The following DGCR8 variants were observed in gnomAD, a reference collection of about 807,000 sequenced individuals.
DGCR8 encodes the protein microprocessor complex subunit DGCR8.
Under a neutral mutation model 78.5 loss-of-function variants are expected in DGCR8, and 14 were observed. The observed-to-expected ratio is 0.18, with a 90% CI of 0.12 to 0.28. DGCR8 has a LOEUF of 0.28. Among genes scored for constraint, DGCR8 ranks in the 10% least tolerant of loss-of-function variants. The pLI is 1.00. For synonymous variants in DGCR8, 399 were observed against 402.4 expected (o/e 0.99, Z 0.10); for missense variants, 702 against 1,022.5 (o/e 0.69, Z 4.28).
rs1250793616 is a variant in DGCR8, at chr22:20,107,107, T to C, written c.1997-164T>C. On this transcript the variant is annotated intron_variant, in intron 11 of 13. Transcript: ENST00000351989. ...CTCTCAAGGTGGCAGCTGGGTACTGTGAGACTCAGGTGCCCAGAGCAGTGG... is the reference window on the plus strand; with the variant it reads ...CTCTCAAGGTGGCAGCTGGGTACTGCGAGACTCAGGTGCCCAGAGCAGTGG... 9.7e-6 allele frequency: 7 copies of C among 719,650 alleles called. No individual in the cohort carries two copies. The Admixed American group carries it at 1.6e-4, about 16-fold the overall frequency. 44.6% of individuals were successfully genotyped at this position (719,650 alleles called of 1,614,324 possible).
Position 20,087,203 on chromosome 22 carries a change from C to T in DGCR8, c.762C>T (p.Gly254=), listed in dbSNP as rs779574637. The T allele has an allele frequency of 6.2e-7, 1 of 1,613,692 alleles. No homozygotes were observed. Among genetic ancestry groups the T allele is most frequent in the Non-Finnish European group, 8.5e-7 (1 of 1,179,700 alleles). The change falls in exon 3 of 14, where the codon GGC becomes GGT. Residue 254 remains glycine (G), a synonymous_variant. Coordinates refer to ENST00000351989, the MANE Select transcript of DGCR8 (RefSeq NM_022720.7). This position sits in a 1 kb window ranked among gnomAD's most constrained non-coding sequence, Gnocchi z 4.1. ...DNDVDALLEE[G]LCAPKKRRTE... The stretch of plus-strand genomic sequence containing the variant: ...ATGTGGATGCTCTGCTGGAAGAAGG[C>T]CTTTGTGCCCCCAAAAAGAGGCGAA...
intron 9 of DGCR8, among the ~76,000 whole-genome samples, chr22:20,097,081 G>A (rs1022807581): frequency 2.6e-5 from 4 of 152,034 alleles, no homozygotes; most frequent in African/African-American, 9.7e-5. Flanking sequence ...CTGGTATTTT[G>A]TTAAGGATTT....
rs1466547662 is a variant in DGCR8 at position 20,087,226 on chromosome 22, G to T, written c.785G>T (p.Arg262Leu). 2.5e-6 allele frequency: 4 copies of T among 1,613,964 alleles called. No homozygotes were observed. Among genetic ancestry groups the T allele is most frequent in the African/African-American group, 1.3e-5 (1 of 74,926 alleles). The change falls in exon 3 of 14, where the codon CGA becomes CTA. Residue 262 changes from arginine (R) to leucine (L), a missense_variant. By Grantham distance (102) the Arg-to-Leu change is moderately radical. Coordinates refer to ENST00000351989, the MANE Select transcript of DGCR8 (RefSeq NM_022720.7). This position sits in a 1 kb window ranked among gnomAD's most constrained non-coding sequence, Gnocchi z 4.1. ...EEGLCAPKKR[R>L]TEEKYGGDSD... ...GGCCTTTGTGCCCCCAAAAAGAGGC[G>T]AACAGAGGAAAAATATGGCGGAGAC...
chr22:20,085,139 G>T lies in DGCR8; in HGVS notation c.-277-548G>T. 1.3e-6 allele frequency: 1 copy of T among 749,632 alleles called. No homozygotes were observed. Among genetic ancestry groups the T allele is most frequent in the Non-Finnish European group, 1.6e-6 (1 of 614,434 alleles). 46.4% of individuals were successfully genotyped at this position (749,632 alleles called of 1,614,324 possible). ...GCTGCATCACTGTCCCCGTCCACGT[G>T]CTACCCTGTGGGCCCAGGAGAGCCC... On this transcript the variant is annotated intron_variant, in intron 1 of 13. Coordinates refer to ENST00000351989, the MANE Select transcript of DGCR8 (RefSeq NM_022720.7). The surrounding 1 kb of genome is among the most constrained non-coding windows in gnomAD (Gnocchi z 6.2).
chr22:20,092,102 G>GT (rs2092739504), intron 7 of DGCR8, 132 bp downstream of exon 7: 1 of 711,740 alleles, frequency 1.4e-6, no homozygotes, highest in Non-Finnish European at 2.4e-6. Context: ...AGAGAGCAGC[G>GT]TGCTGCAGAT....
At chr22:20,098,086 C>G (rs2049651330) in intron 9 of DGCR8, among the ~76,000 whole-genome samples, 1 of 147,852 alleles carries the variant, frequency 6.8e-6, no homozygotes, top group South Asian at 2.1e-4. Flanking sequence ...GATACTGCGC[C>G]ACTGTGCTCC....
At chr22:20,106,730 G>GCTGGGCGGGCGGCCC (rs2049774684) in intron 11 of DGCR8, 32 bp downstream of exon 11, 1 of 1,525,548 alleles carries the variant, frequency 6.6e-7, no homozygotes, top group African/African-American at 1.4e-5. Context: ...CCTGGTGGCC[G>GCTGGGCGGGCGGCCC]CTGGGCGGGC....
chr22:20,083,810 T>C (rs761389379), intron 1 of DGCR8, among the ~76,000 whole-genome samples: 22 of 152,304 alleles, frequency 1.4e-4, no homozygotes, highest in Admixed American at 4.6e-4. Flanking sequence ...ATGGTCTTTC[T>C]TGGTTGCCAG....
In DGCR8 at chr22:20,110,365, T is replaced by C; in HGVS notation, c.*257T>C. 5.9e-6 allele frequency: 3 copies of C among 505,004 alleles called. No individual in the cohort carries two copies. The highest frequency in any genetic ancestry group is 1.1e-5 in the Non-Finnish European group (3 of 283,184). The allele number at this position is 505,004 out of a possible 1,614,324, so 31.3% of individuals were successfully genotyped here. ...ACTCAGCGACTGCACCAGTGGCAGC[T>C]GGTGACTGTGGACAGTGGTGGACCC... On this transcript the variant is annotated 3_prime_UTR_variant, in exon 14 of 14. Coordinates refer to ENST00000351989, the MANE Select transcript of DGCR8 (RefSeq NM_022720.7).
At position 20,086,416 on chromosome 22, in the gene DGCR8, C is replaced by G; in HGVS notation, c.453C>G (p.Leu151=). 2 of 1,613,882 alleles carry G rather than the reference C, an allele frequency of 1.2e-6. No individual in the cohort carries two copies. The highest frequency in any genetic ancestry group is 1.7e-6 in the Non-Finnish European group (2 of 1,180,014). ...ACGTGCGGGCGGAGTGCGGTCTGCT[C>G]CTTAGCCCTGTCAGTGGGGACGTGC... ...ERDVRAECGL[L]LSPVSGDVHA... is the part of the protein sequence containing the mutation. Residue 151 remains leucine (L), a synonymous_variant, in exon 2 of 14, where the codon CTC becomes CTG. Transcript: ENST00000351989. This position sits in a 1 kb window ranked among gnomAD's most constrained non-coding sequence, Gnocchi z 6.4.
rs541404305 is a variant in DGCR8, at chr22:20,086,782, A to C, written c.720+99A>C. On this transcript the variant is annotated intron_variant, in intron 2 of 13. Coordinates refer to ENST00000351989, the MANE Select transcript of DGCR8 (RefSeq NM_022720.7). This position sits in a 1 kb window ranked among gnomAD's most constrained non-coding sequence, Gnocchi z 6.4. ...TGAAAGCAGGGAAATTAAAAAAAAA[A>C]AAAACAAAAACCAAAATCCCCTCTG... 5.6e-5 allele frequency: 77 copies of C among 1,380,494 alleles called. No individual in the cohort carries two copies. The South Asian group carries it at 7.0e-4, about 13-fold the overall frequency. 85.5% of individuals were successfully genotyped at this position (1,380,494 alleles called of 1,614,324 possible). A position where few individuals can be genotyped will look rare whatever the true frequency, so the allele number is the denominator to read the frequency against.
At chr22:20,106,760 C>T (rs528011927) in intron 11 of DGCR8, 62 bp downstream of exon 11, 32 of 1,186,114 alleles carry the variant, frequency 2.7e-5, no homozygotes, top group Middle Eastern at 2.4e-4. Flanking sequence ...TGTGGCCCTG[C>T]GCCTCTGTGG....
At chr22:20,102,549 G>GT (rs1171432821) in intron 9 of DGCR8, among the ~76,000 whole-genome samples, 1 of 152,170 alleles carries the variant, frequency 6.6e-6, no homozygotes, top group Non-Finnish European at 1.5e-5. Context: ...TTTCCTTCAG[G>GT]TAAACCCTTG....
At position 20,091,450 on chromosome 22, in the gene DGCR8, G is replaced by A. The variant is rs372966213; in HGVS notation, c.1322G>A (p.Arg441Gln). The change falls in exon 6 of 14, where the codon CGA (arginine) becomes CAA (glutamine). Residue 441 changes from arginine (R) to glutamine (Q), a missense_variant. By Grantham distance (43) the Arg-to-Gln change is conservative. Transcript: ENST00000351989. Reference protein sequence around the residue: ...KDESVDLEEFRSYLEKRFDFE... With the variant: ...KDESVDLEEFQSYLEKRFDFE... ...TCTGGGACAGATCTCGAGGAATTTC[G>A]AAGCTACCTGGAGAAGCGTTTTGAC... The A allele has an allele frequency of 1.2e-6, 2 of 1,614,182 alleles. No homozygotes were observed. The highest frequency in any genetic ancestry group is 8.5e-7 in the Non-Finnish European group (1 of 1,180,036).
intron 8 of DGCR8, among the ~76,000 whole-genome samples, chr22:20,094,182 C>G (rs1034001044): frequency 6.6e-6 from 1 of 152,232 alleles, no homozygotes; most frequent in Non-Finnish European, 1.5e-5. Flanking sequence ...CTTGCCAGCA[C>G]TGATAGCTCT....
In DGCR8 at chr22:20,090,082, C is replaced by A. The variant is rs1484016606; in HGVS notation, c.1130C>A (p.Ser377Tyr). 7 of 1,614,104 alleles carry A rather than the reference C, an allele frequency of 4.3e-6. No homozygotes were observed. The highest frequency in any genetic ancestry group is 5.9e-6 in the Non-Finnish European group (7 of 1,180,034). The change falls in exon 5 of 14, where the codon TCC (serine) becomes TAC (tyrosine). Residue 377 changes from serine (S) to tyrosine (Y), a missense_variant. By Grantham distance (144) the Ser-to-Tyr change is moderately radical (BLOSUM62 -2). Around this residue, in one of 4 missense-constraint regions of DGCR8, gnomAD observed 119 missense variants for 126.1 expected, o/e 0.94. Transcript: ENST00000351989. ...SSDLTPSGDVSPVKPLSRSAE... is the reference protein window; with the variant it reads ...SSDLTPSGDVYPVKPLSRSAE... ...GACCTCACCCCTAGTGGGGATGTGT[C>A]CCCCGTCAAGCCCCTGAGCCGATCT...
At chr22:20,103,294 G>C in intron 9 of DGCR8, among the ~76,000 whole-genome samples, 1 of 151,984 alleles carries the variant, frequency 6.6e-6, no homozygotes. Context: ...TTTCATGGGT[G>C]GTCGGCAGTT....
At chr22:20,094,559 T>G (rs1187199880) in intron 8 of DGCR8, among the ~76,000 whole-genome samples, 154 bp from the exon 9 acceptor site, 2 of 152,200 alleles carry the variant, frequency 1.3e-5, no homozygotes, top group East Asian at 3.9e-4. Context: ...TTCTGTCCTC[T>G]CCTGACCCTG....
intron 9 of DGCR8, among the ~76,000 whole-genome samples, chr22:20,103,115 G>C (rs1276932462): frequency 6.6e-6 from 1 of 151,250 alleles, no homozygotes; most frequent in Admixed American, 6.6e-5. Context: ...TCCAGCCTGG[G>C]CAACAAGAGC....
Sources: allele counts gnomAD v4.1 joint callset (sites outside exome capture counted in the v4.1 genomes callset), GRCh38; gene constraint gnomAD v4.1.1; regional missense constraint gnomAD v4.1.1; non-coding constraint Gnocchi (gnomAD v3.1); transcripts MANE v1.5; gene names NCBI Gene and HGNC (gene_info 2026-07-23, HGNC 2026-07-21).